The following ZNF385D variants were observed in gnomAD, a reference collection of about 807,000 sequenced individuals.
ZNF385D encodes zinc finger protein 659.
ZNF385D carries 15 observed loss-of-function variants against 35.8 expected under a neutral mutation model. The ratio of observed to expected loss-of-function variants is 0.42; its 90% confidence interval spans 0.28 to 0.64. The LOEUF (loss-of-function observed/expected upper bound fraction) is 0.64. Ranked by LOEUF, ZNF385D falls within the 30% of genes least tolerant of loss-of-function variation. The pLI is 0.23. For missense variants in ZNF385D, 474 were observed against 494.6 expected (o/e 0.96, Z 0.39); for synonymous variants, 212 against 186.8 (o/e 1.13, Z -1.10).
chr3:22,090,200 G>A (rs976018575), intron 3 of ZNF385D, among the ~76,000 whole-genome samples: 3 of 152,102 alleles, frequency 2.0e-5, no homozygotes, highest in Non-Finnish European at 4.4e-5. Context: ...TTTCTGCTCT[G>A]GGAATGGTCC....
chr3:21,696,650 A>C (rs2067480178), intron 1 of ZNF385D, among the ~76,000 whole-genome samples: 1 of 152,258 alleles, frequency 6.6e-6, no homozygotes, highest in African/African-American at 2.4e-5. Flanking sequence ...TATCCATCAG[A>C]CAGTAGCTCT....
At chr3:22,137,883 C>G (rs1036840320) in intron 3 of ZNF385D, among the ~76,000 whole-genome samples, 4 of 151,836 alleles carry the variant, frequency 2.6e-5, no homozygotes, top group African/African-American at 9.7e-5. Flanking sequence ...TCAAATTGTC[C>G]CTGTTTGCAG....
intron 3 of ZNF385D, among the ~76,000 whole-genome samples, chr3:21,761,815 CTTAAAT>C (rs2070623107): frequency 6.9e-6 from 1 of 145,312 alleles, no homozygotes; most frequent in Non-Finnish European, 1.5e-5. Flanking sequence ...TTGTATCTCA[CTTAAAT>C]TTAAAGTCAT....
chr3:22,228,871 A>G (rs964645122), intron 2 of ZNF385D, among the ~76,000 whole-genome samples: 2 of 152,198 alleles, frequency 1.3e-5, no homozygotes, highest in African/African-American at 2.4e-5. Context: ...GCCCTTGAAC[A>G]TAGACTCCAA....
rs1433652684 is a variant in ZNF385D, at chr3:21,412,853, A to G, written c.*8361T>C. The G allele has an allele frequency of 6.6e-6, 1 of 152,052 alleles. No individual in the cohort carries two copies. The highest frequency in any genetic ancestry group is 6.6e-5 in the Admixed American group (1 of 15,258). 9.4% of individuals were successfully genotyped at this position (152,052 alleles called of 1,614,324 possible). The stretch of plus-strand genomic sequence containing the variant: ...AACTGTGCTATATTTTACATTTCTG[A>G]GTCAATAATATTGGAAGCAGCTTCA... On this transcript the variant is annotated 3_prime_UTR_variant, in exon 8 of 8. Transcript: ENST00000281523.
chr3:21,488,089 G>C (rs892031517), intron 4 of ZNF385D, among the ~76,000 whole-genome samples: 2 of 152,000 alleles, frequency 1.3e-5, no homozygotes, highest in African/African-American at 4.8e-5. Flanking sequence ...ACTCTTTCCT[G>C]GTTGAATAGT....
At chr3:21,983,337 C>T (rs1303637051) in intron 3 of ZNF385D, among the ~76,000 whole-genome samples, 1 of 124,524 alleles carries the variant, frequency 8.0e-6, no homozygotes. Flanking sequence ...ACCACAGTCC[C>T]CAGAGTGTGA....
At chr3:21,651,505 A>G (rs2065912594) in intron 2 of ZNF385D, among the ~76,000 whole-genome samples, 1 of 151,870 alleles carries the variant, frequency 6.6e-6, no homozygotes, top group Non-Finnish European at 1.5e-5. Context: ...AGGCACAGCA[A>G]TGTGGTATTT....
chr3:22,356,908 C>CAG (rs1193162868), intron 2 of ZNF385D, among the ~76,000 whole-genome samples: 1 of 151,764 alleles, frequency 6.6e-6, no homozygotes, highest in Non-Finnish European at 1.5e-5. Flanking sequence ...GTAATAAAAT[C>CAG]AGAGTCTACT....
intron 2 of ZNF385D, among the ~76,000 whole-genome samples, chr3:22,221,454 C>A (rs537795452): frequency 6.6e-6 from 1 of 152,014 alleles, no homozygotes; most frequent in African/African-American, 2.4e-5. Flanking sequence ...ATAATCTGTA[C>A]GCACATTAAA....
intron 2 of ZNF385D, among the ~76,000 whole-genome samples, chr3:21,582,046 G>A (rs546883358): frequency 6.6e-6 from 1 of 152,030 alleles, no homozygotes; most frequent in East Asian, 1.9e-4. Context: ...TTTATACAGG[G>A]TACAGTATTA....
At chr3:22,202,278 GT>G (rs543606780) in intron 2 of ZNF385D, among the ~76,000 whole-genome samples, 12 of 152,092 alleles carry the variant, frequency 7.9e-5, no homozygotes, top group African/African-American at 1.4e-4. Context: ...TACTGACATT[GT>G]AAAAGGTCTT....
chr3:21,757,398 C>G (rs1428438607), intron 3 of ZNF385D, among the ~76,000 whole-genome samples: 2 of 152,130 alleles, frequency 1.3e-5, no homozygotes, highest in Non-Finnish European at 2.9e-5. Flanking sequence ...CCACCTTGGC[C>G]TCCCAAAGTG....
At chr3:21,559,500 T>C (rs1285341137) in intron 3 of ZNF385D, among the ~76,000 whole-genome samples, 1 of 152,204 alleles carries the variant, frequency 6.6e-6, no homozygotes, top group Non-Finnish European at 1.5e-5. Flanking sequence ...CACTCTCTTC[T>C]GGCTTGTAGG....
intron 4 of ZNF385D, among the ~76,000 whole-genome samples, chr3:21,460,900 C>T (rs934300135): frequency 4.6e-5 from 7 of 152,034 alleles, no homozygotes; most frequent in African/African-American, 1.7e-4. Context: ...AGTTGTTTAC[C>T]TTAATAATCT....
At chr3:22,325,312 T>G (rs555847065) in intron 2 of ZNF385D, among the ~76,000 whole-genome samples, 2 of 152,344 alleles carry the variant, frequency 1.3e-5, no homozygotes, top group Admixed American at 6.5e-5. Flanking sequence ...CACTGAATGC[T>G]TCTTTGTATT....
At chr3:21,723,112 G>A (rs2068610065) in intron 1 of ZNF385D, among the ~76,000 whole-genome samples, 1 of 152,124 alleles carries the variant, frequency 6.6e-6, no homozygotes. Flanking sequence ...AAAGAGAAAG[G>A]AAGAGCATGT....
chr3:22,178,574 C>T (rs1437388031), intron 2 of ZNF385D, among the ~76,000 whole-genome samples: 1 of 152,134 alleles, frequency 6.6e-6, no homozygotes, highest in Non-Finnish European at 1.5e-5. Context: ...TGTGCAGAAG[C>T]TCTTTAGTTT....
intron 2 of ZNF385D, among the ~76,000 whole-genome samples, chr3:22,271,887 T>C (rs1277716675): frequency 6.6e-6 from 1 of 152,022 alleles, no homozygotes; most frequent in African/African-American, 2.4e-5. Context: ...TTTACAATAG[T>C]GTAAAAACAA....
Sources: allele counts gnomAD v4.1 joint callset (sites outside exome capture counted in the v4.1 genomes callset), GRCh38; gene constraint gnomAD v4.1.1; transcripts MANE v1.5; gene names NCBI Gene and HGNC (gene_info 2026-07-23, HGNC 2026-07-21).